The following NUP98 variants were observed in gnomAD, a reference collection of about 807,000 sequenced individuals.
The protein encoded by NUP98 is nuclear pore complex protein Nup98-Nup96.
A neutral mutation model predicts 191.9 loss-of-function variants in NUP98; 26 were observed. That is an observed-to-expected ratio of 0.14 (90% CI 0.10 to 0.19). NUP98 has a LOEUF of 0.19. Among genes scored for constraint, NUP98 ranks in the 10% least tolerant of loss-of-function variants. The pLI is 1.00. For synonymous variants in NUP98, 808 were observed against 778.4 expected, an observed-to-expected ratio of 1.04 and a Z score of -0.63; for missense variants, 1,941 against 2,178.8, an observed-to-expected ratio of 0.89 and a Z score of 2.17.
At chr11:3,765,847 A>T (rs1360798051) in intron 8 of NUP98, among the ~76,000 whole-genome samples, 2 of 152,078 alleles carry the variant, frequency 1.3e-5, no homozygotes, top group Admixed American at 1.3e-4. Flanking sequence ...TTTGCAGTTA[A>T]AAAATGCTGT....
chr11:3,759,716 G>A (rs2081100280), intron 10 of NUP98, among the ~76,000 whole-genome samples: 2 of 152,016 alleles, frequency 1.3e-5, no homozygotes, highest in African/African-American at 4.8e-5. Flanking sequence ...GTATTTTCCA[G>A]ATTTTCAACA....
At chr11:3,735,398 A>G in intron 12 of NUP98, 74 bp from the exon 13 acceptor site, 2 of 804,042 alleles carry the variant, frequency 2.5e-6, no homozygotes, top group East Asian at 7.1e-5. Context: ...TTTGTAACAC[A>G]GAGCTCGGTA....
intron 12 of NUP98, among the ~76,000 whole-genome samples, chr11:3,737,465 A>G (rs1314472482): frequency 6.6e-6 from 1 of 152,144 alleles, no homozygotes; most frequent in Non-Finnish European, 1.5e-5. Context: ...CTCTACTAAC[A>G]AAATAGAAAA....
In NUP98 at chr11:3,744,606, A is replaced by G. The variant is rs753304479; in HGVS notation, c.1311T>C (p.Pro437=). The G allele has an allele frequency of 6.2e-7, 1 of 1,613,556 alleles. No homozygotes were observed. Among genetic ancestry groups the G allele is most frequent in the South Asian group, 1.1e-5 (1 of 91,012 alleles). ...GQASLFGNNQ[P]KIGGPLGTGA... is the part of the protein sequence containing the mutation. The stretch of plus-strand genomic sequence containing the variant: ...CTGTACCAAGAGGCCCTCCAATCTT[A>G]GGTTGGTTGTTCCCAAACAAAGATG... The change falls in exon 12 of 33, where the codon CCT becomes CCC. Residue 437 remains proline, a synonymous_variant. Transcript: ENST00000324932.
At position 3,744,643 on chromosome 11, in the gene NUP98, C is replaced by G. The variant is rs2080423925; in HGVS notation, c.1274G>C (p.Gly425Ala). The change falls in exon 12 of 33, where the codon GGT (glycine) becomes GCT (alanine). Residue 425 changes from glycine (G) to alanine (A), a missense_variant. This residue lies in a region of NUP98 where 453 missense variants were observed against 438.2 expected (regional missense o/e 1.03). Coordinates refer to ENST00000324932, the MANE Select transcript of NUP98 (RefSeq NM_016320.5). The stretch of plus-strand genomic sequence containing the variant: ...CCCAAACAAAGATGCCTGTCCAGCA[C>G]CAAGAGCTACGGAGACAAGAGGAAA... The part of the protein sequence containing the change: ...GLGAGFGTAL[G>A]AGQASLFGNN... 6.2e-7 allele frequency: 1 copy of G among 1,609,700 alleles called. No homozygotes were observed. Among genetic ancestry groups the G allele is most frequent in the Non-Finnish European group, 8.5e-7 (1 of 1,178,072 alleles).
At chr11:3,689,514 A>G (rs7950004) in intron 28 of NUP98, among the ~76,000 whole-genome samples, 150,730 of 152,040 alleles carry the variant, frequency 0.99, 74,722 homozygotes, top group Middle Eastern at 1. Context: ...GCAACTGAGC[A>G]AGAGAGTCTG....
chr11:3,701,037 G>C (rs575706021), intron 23 of NUP98, among the ~76,000 whole-genome samples, 198 bp from the exon 24 acceptor site: 6 of 152,256 alleles, frequency 3.9e-5, no homozygotes, highest in African/African-American at 1.2e-4. Context: ...CATCTGATCA[G>C]TGCATTCAGA....
chr11:3,738,248 C>T (rs1370459241), intron 12 of NUP98, among the ~76,000 whole-genome samples: 2 of 152,010 alleles, frequency 1.3e-5, no homozygotes, highest in African/African-American at 4.8e-5. Flanking sequence ...TTAGCAAAAA[C>T]AAGAAAACAA....
At position 3,700,601 on chromosome 11, in the gene NUP98, T is replaced by C. The variant is rs766811272; in HGVS notation, c.3742+9A>G. ...GACATCAAACATTAGAAACATAGTGTGTACTCACTTTGTGCTTCTGGTAAG... is the reference window on the plus strand; with the variant it reads ...GACATCAAACATTAGAAACATAGTGCGTACTCACTTTGTGCTTCTGGTAAG... On this transcript the variant is annotated intron_variant, in intron 24 of 32. Transcript: ENST00000324932. 8 of 1,561,656 alleles carry C rather than the reference T, an allele frequency of 5.1e-6. No homozygotes were observed. The highest frequency in any genetic ancestry group is 3.4e-5 in the Admixed American group (2 of 59,642).
intron 29 of NUP98, among the ~76,000 whole-genome samples, chr11:3,683,722 G>C (rs1164153837): frequency 1.3e-5 from 2 of 151,726 alleles, no homozygotes; most frequent in South Asian, 2.1e-4. Flanking sequence ...AATTTTAGTA[G>C]AGGCAGGGTT....
In NUP98 at chr11:3,691,506, A is replaced by G; in HGVS notation, c.4312-17T>C. On this transcript the variant is annotated splice_polypyrimidine_tract_variant and intron_variant, in intron 27 of 32. Coordinates refer to ENST00000324932, the MANE Select transcript of NUP98 (RefSeq NM_016320.5). ...AGAGGTATTCTGAAGGAATAATTTGATAAAACAATACATTAGCTCCTAATC... is the reference window on the plus strand; with the variant it reads ...AGAGGTATTCTGAAGGAATAATTTGGTAAAACAATACATTAGCTCCTAATC... The G allele has an allele frequency of 6.2e-7, 1 of 1,613,328 alleles. No individual in the cohort carries two copies. Among genetic ancestry groups the G allele is most frequent in the East Asian group, 2.2e-5 (1 of 44,882 alleles).
intron 4 of NUP98, among the ~76,000 whole-genome samples, chr11:3,778,657 C>G (rs1041596338): frequency 2.0e-5 from 3 of 152,212 alleles, no homozygotes; most frequent in African/African-American, 7.2e-5. Flanking sequence ...CCTTAAATAA[C>G]AGTGCTTCAA....
chr11:3,744,866 G>A (rs1232361917), intron 11 of NUP98, among the ~76,000 whole-genome samples: 2 of 152,170 alleles, frequency 1.3e-5, no homozygotes, highest in Non-Finnish European at 2.9e-5. Context: ...CTGTGCTTCA[G>A]TTTCCTCAAT....
Position 3,720,832 on chromosome 11 carries a change from CAAAAAA to C in NUP98, c.2147-13_2147-8del. ...ACCTTAGTGAGAATAATACCTGTGA[CAAAAAA>C]AAAAAAAAAAACAGAAAAAAAAATA... On this transcript the variant is annotated splice_polypyrimidine_tract_variant and splice_region_variant and intron_variant, in intron 16 of 32. Transcript: ENST00000324932. The C allele has an allele frequency of 7.2e-5, 27 of 374,106 alleles. No individual in the cohort carries two copies. Among genetic ancestry groups the C allele is most frequent in the South Asian group, 1.8e-4 (4 of 22,100 alleles). 23.2% of individuals were successfully genotyped at this position (374,106 alleles called of 1,614,324 possible).
chr11:3,735,591 AC>A (rs1384210961), intron 12 of NUP98, among the ~76,000 whole-genome samples: 2 of 152,280 alleles, frequency 1.3e-5, no homozygotes, highest in African/African-American at 4.8e-5. Flanking sequence ...CACTGTCACT[AC>A]TAATCAAAGA....
intron 12 of NUP98, 39 bp downstream of exon 12, chr11:3,744,470 A>G: frequency 6.4e-7 from 1 of 1,569,454 alleles, no homozygotes; most frequent in Non-Finnish European, 8.6e-7. Flanking sequence ...AGTATTAGCA[A>G]AAAATTAAGA....
chr11:3,743,442 C>A (rs1230327619), intron 12 of NUP98, among the ~76,000 whole-genome samples: 1 of 147,158 alleles, frequency 6.8e-6, no homozygotes, highest in Non-Finnish European at 1.5e-5. Flanking sequence ...GTCAGGAGAT[C>A]GAGACCATCC....
intron 14 of NUP98, among the ~76,000 whole-genome samples, chr11:3,725,449 T>G (rs1460776929): frequency 6.6e-6 from 1 of 152,196 alleles, no homozygotes. Flanking sequence ...GCTGAACACC[T>G]TCAAGTCAAA....
rs1175832502 is a variant in NUP98 at position 3,720,702 on chromosome 11, T to G, written c.2260+10A>C. 1.4e-6 allele frequency: 2 copies of G among 1,449,584 alleles called. No individual in the cohort carries two copies. Among genetic ancestry groups the G allele is most frequent in the Non-Finnish European group, 1.9e-6 (2 of 1,037,532 alleles). 89.8% of individuals were successfully genotyped at this position (1,449,584 alleles called of 1,614,324 possible). On this transcript the variant is annotated intron_variant, in intron 17 of 32. Coordinates refer to ENST00000324932, the MANE Select transcript of NUP98 (RefSeq NM_016320.5). ...CTGGCTTAATCACTAAGTGCTAAAC[T>G]CACACTTACCTTTCCGACCAATAGT...
Sources: gnomAD v4.1 joint callset for allele counts (sites outside exome capture counted in the v4.1 genomes callset) on GRCh38, gnomAD v4.1.1 for gene constraint, gnomAD v4.1.1 regional missense constraint, MANE v1.5 for transcripts, NCBI Gene and HGNC (gene_info 2026-07-23, HGNC 2026-07-21) for gene names.